Variants in BRWD1 observed in about 807,000 individuals in gnomAD.
The protein encoded by BRWD1 is bromodomain and WD repeat-containing protein 1.
Under a neutral mutation model 251.2 loss-of-function variants are expected in BRWD1, and 82 were observed. The observed-to-expected ratio is 0.33, with a 90% confidence interval of 0.27 to 0.39. The LOEUF (loss-of-function observed/expected upper bound fraction) is 0.39, where lower values mean the gene tolerates loss of function less well. Among genes scored for constraint, BRWD1 ranks in the 10% least tolerant of loss-of-function variants. The pLI, the probability that BRWD1 is intolerant of heterozygous loss-of-function variation, is 1.00. For synonymous variants in BRWD1, 918 were observed against 902.8 expected (o/e 1.02, Z -0.30); for missense variants, 2,233 against 2,711.6 (o/e 0.82, Z 3.92).
chr21:39,244,117 G>A (rs1286397303), intron 21 of BRWD1, among the ~76,000 whole-genome samples: 2 of 151,712 alleles, frequency 1.3e-5, no homozygotes, highest in African/African-American at 4.8e-5. Flanking sequence ...AGGCTGGAGT[G>A]CAGTGGCGCG....
intron 4 of BRWD1, among the ~76,000 whole-genome samples, chr21:39,308,294 C>A (rs867936971): frequency 5.3e-5 from 8 of 152,048 alleles, no homozygotes; most frequent in Middle Eastern, 3.4e-3. Context: ...CTAGCCGGGC[C>A]AACATGGTGA....
chr21:39,190,198 A>T lies in BRWD1; in HGVS notation c.*6061T>A. On this transcript the variant is annotated 3_prime_UTR_variant, in exon 41 of 41. Transcript: ENST00000342449. ...TGACTCAACACAATCTCTAGTTTCT[A>T]CATTTCAAGGATTAATCATATTCTA... 1 of 983,468 alleles carries T rather than the reference A, an allele frequency of 1.0e-6. No individual in the cohort carries two copies. The highest frequency in any genetic ancestry group is 1.2e-6 in the Non-Finnish European group (1 of 828,606). 60.9% of individuals were successfully genotyped at this position (983,468 alleles called of 1,614,324 possible). A position where few individuals can be genotyped will look rare whatever the true frequency, so the allele number is the denominator to read the frequency against.
intron 2 of BRWD1, 59 bp from the exon 3 acceptor site, chr21:39,313,160 C>A (rs1280975031): frequency 4.7e-6 from 7 of 1,493,772 alleles, no homozygotes. Context: ...TCCCGTTTCA[C>A]CCCCGCCCAC....
At chr21:39,312,719 G>T in intron 4 of BRWD1, 122 bp downstream of exon 4, 2 of 586,090 alleles carry the variant, frequency 3.4e-6, no homozygotes, top group South Asian at 2.3e-5. Context: ...AGCTATCCCC[G>T]GGCCGCCCCC....
chr21:39,314,253 C>G (rs1184813201), upstream of BRWD1: 3 of 455,596 alleles, frequency 6.6e-6, no homozygotes, highest in African/African-American at 2.0e-5. Context: ...GCTGGCGTTG[C>G]CGGAGCGTCT....
At chr21:39,243,078 A>G (rs566274358) in intron 21 of BRWD1, among the ~76,000 whole-genome samples, 77 of 152,316 alleles carry the variant, frequency 5.1e-4, no homozygotes, top group African/African-American at 1.8e-3. Context: ...TAATTTTACC[A>G]TAGAGAAACC....
At chr21:39,250,101 G>A (rs1239016598) in intron 20 of BRWD1, among the ~76,000 whole-genome samples, 1 of 152,128 alleles carries the variant, frequency 6.6e-6, no homozygotes, top group Non-Finnish European at 1.5e-5. Context: ...CCTCCTATAT[G>A]TAGGGGACTC....
At chr21:39,278,697 T>C (rs758067567) in intron 10 of BRWD1, 46 bp downstream of exon 10, 22 of 1,423,662 alleles carry the variant, frequency 1.5e-5, no homozygotes, top group Non-Finnish European at 2.1e-5. Context: ...ATTTAATAGA[T>C]GTTTAAAAAA....
chr21:39,318,471 A>G (rs12151994), upstream of BRWD1, among the ~76,000 whole-genome samples: 1 of 152,006 alleles, frequency 6.6e-6, no homozygotes, highest in Non-Finnish European at 1.5e-5. Flanking sequence ...CAACATCAGC[A>G]TACCTCTGAA....
chr21:39,297,621 A>G (rs2035994669), intron 5 of BRWD1: 1 of 231,548 alleles, frequency 4.3e-6, no homozygotes, highest in South Asian at 1.5e-4. Flanking sequence ...TGGCTAGAGC[A>G]CTAAGAAACA....
chr21:39,213,514 T>G lies in BRWD1; in HGVS notation c.3825A>C (p.Thr1275=), dbSNP rs1429081711. 1 of 1,612,140 alleles carries G rather than the reference T, an allele frequency of 6.2e-7. No individual in the cohort carries two copies. Among genetic ancestry groups the G allele is most frequent in the African/African-American group, 1.3e-5 (1 of 75,010 alleles). The stretch of plus-strand genomic sequence containing the variant: ...CAGCATTTTGCTCATCATTTTCAGA[T>G]GTGTTAGAAAGTTCTGAGATATTTG... ...HCTNISELSN[T]SENDEQNAED... Residue 1275 remains threonine, a synonymous_variant, in exon 33 of 41, where the codon ACA becomes ACC. Transcript: ENST00000342449.
intron 17 of BRWD1, among the ~76,000 whole-genome samples, chr21:39,264,074 C>G (rs1031932117): frequency 1.6e-4 from 25 of 152,238 alleles, no homozygotes; most frequent in East Asian, 1.2e-3. Flanking sequence ...AATTAAGGAA[C>G]TATGACAACT....
chr21:39,226,373 GAATT>G lies in BRWD1; in HGVS notation c.3209-1180_3209-1177del, dbSNP rs201661698. Among the ~76,000 whole-genome samples, 1,230 of 152,146 alleles carry G rather than the reference GAATT, an allele frequency of 8.1e-3. 14 individuals are homozygous for G. The highest frequency in any genetic ancestry group is 0.029 in the African/African-American group (1,198 of 41,514). ...CCACGCAAAAATGGGGAAGCAAAAT[GAATT>G]AAAGTGTAGTATAACAGGTCTGGTC... On this transcript the variant is annotated intron_variant, in intron 27 of 40. Coordinates refer to ENST00000342449, the MANE Select transcript of BRWD1 (RefSeq NM_033656.4).
chr21:39,295,695 C>A, intron 7 of BRWD1, 48 bp downstream of exon 7: 1 of 1,408,412 alleles, frequency 7.1e-7, no homozygotes, highest in Non-Finnish European at 9.5e-7. Context: ...CTGAAGCACA[C>A]TAAAGTACTC....
chr21:39,236,701 C>G lies in BRWD1; in HGVS notation c.2660G>C (p.Arg887Pro). ...QPPLRTSCRR[R>P]ITRFCSSSED... ...TGAACTACTACAAAATCGAGTAATT[C>G]GTCGACGACATGATGTTCTTAAAGG... Residue 887 changes from arginine (R) to proline (P), a missense_variant, in exon 23 of 41, where the codon CGA becomes CCA. Arg to Pro is a moderately radical substitution (Grantham distance 103). This residue lies in a region of BRWD1 where 214 missense variants were observed against 222.0 expected (regional missense o/e 0.96). Coordinates refer to ENST00000342449, the MANE Select transcript of BRWD1 (RefSeq NM_033656.4). 6.2e-7 allele frequency: 1 copy of G among 1,613,988 alleles called. No homozygotes were observed. The highest frequency in any genetic ancestry group is 1.3e-5 in the African/African-American group (1 of 74,990).
At chr21:39,264,428 TAAAAAAAA>T in intron 17 of BRWD1, 24 bp downstream of exon 17, 1 of 1,160,490 alleles carries the variant, frequency 8.6e-7, no homozygotes, top group Admixed American at 3.1e-5. Flanking sequence ...AGTACAACTT[TAAAAAAAA>T]AAAAAAAAAA....
chr21:39,296,614 A>C, intron 5 of BRWD1: 1 of 1,037,982 alleles, frequency 9.6e-7, no homozygotes, highest in Non-Finnish European at 1.2e-6. Context: ...CTTTCAACAT[A>C]CATTAGCTCA....
rs775476623 is a variant in BRWD1, at chr21:39,224,473, TTAA to T, written c.3321-7_3321-5del. On this transcript the variant is annotated splice_region_variant and splice_polypyrimidine_tract_variant and intron_variant, in intron 28 of 40. Transcript: ENST00000342449. ...TTCAATTTCAGTATTATCCCACCTG[TTAA>T]AAAACAACAAATCTCTGGTTAGCCT... The T allele has an allele frequency of 3.8e-6, 6 of 1,589,456 alleles. No homozygotes were observed. In the African/African-American group the frequency reaches 8.1e-5, roughly 21 times the overall value.
At chr21:39,213,454 C>A in intron 33 of BRWD1, 27 bp downstream of exon 33, 1 of 1,582,404 alleles carries the variant, frequency 6.3e-7, no homozygotes, top group Admixed American at 1.7e-5. Flanking sequence ...TTAACAAAAA[C>A]CATTATAAAA....
Sources: gnomAD v4.1 joint callset for allele counts (sites outside exome capture counted in the v4.1 genomes callset) on GRCh38, gnomAD v4.1.1 for gene constraint, gnomAD v4.1.1 regional missense constraint, MANE v1.5 for transcripts, NCBI Gene and HGNC (gene_info 2026-07-23, HGNC 2026-07-21) for gene names.